XRCC4: variants seen among roughly 807,000 people sequenced by gnomAD.
XRCC4 encodes DNA repair protein XRCC4.
A neutral mutation model predicts 39.1 loss-of-function variants in XRCC4; 28 were observed. The observed-to-expected ratio is 0.72, with a 90% confidence interval of 0.53 to 0.98. XRCC4 has a LOEUF of 0.98. XRCC4 is among the 50% of genes least tolerant of loss of function. XRCC4 has a pLI of 0.00. For missense variants in XRCC4, 350 were observed against 376.4 expected (o/e 0.93, Z 0.58); for synonymous variants, 123 against 126.4 (o/e 0.97, Z 0.18).
intron 3 of XRCC4, among the ~76,000 whole-genome samples, chr5:83,140,536 C>T (rs1293000465): frequency 6.6e-6 from 1 of 152,114 alleles, no homozygotes; most frequent in East Asian, 1.9e-4. Context: ...CCCTTAAAGA[C>T]ACACCGAGAT....
At chr5:83,135,345 C>G (rs942758974) in intron 3 of XRCC4, among the ~76,000 whole-genome samples, 1 of 151,842 alleles carries the variant, frequency 6.6e-6, no homozygotes, top group Non-Finnish European at 1.5e-5. Context: ...ATTCGGCCAT[C>G]TTGGAAACTC....
intron 6 of XRCC4, among the ~76,000 whole-genome samples, chr5:83,255,729 C>T (rs1003819712): frequency 6.6e-6 from 1 of 152,124 alleles, no homozygotes; most frequent in East Asian, 1.9e-4. Flanking sequence ...AAAAAAATTG[C>T]AAGCTCTCGG....
chr5:83,245,264 C>T lies in XRCC4; in HGVS notation c.746-13266C>T, dbSNP rs1232140944. Among the ~76,000 whole-genome samples, 10 of 151,612 alleles carry T rather than the reference C, an allele frequency of 6.6e-5. No homozygotes were observed. In the East Asian group the frequency reaches 1.9e-3, roughly 29 times the overall value. ...AAAAAAAACTATTCAGCGCTTAAAT[C>T]ATTAGAGTACCCTGTTTTCTTTATT... On this transcript the variant is annotated intron_variant, in intron 6 of 7. Coordinates refer to ENST00000396027, the MANE Select transcript of XRCC4 (RefSeq NM_003401.5).
At chr5:83,302,327 A>C (rs919134500) in intron 7 of XRCC4, among the ~76,000 whole-genome samples, 4 of 151,864 alleles carry the variant, frequency 2.6e-5, no homozygotes, top group Non-Finnish European at 5.9e-5. Flanking sequence ...ACCCAGGGCC[A>C]TGGTGGTGTA....
At chr5:83,177,853 A>C (rs551251236) in intron 3 of XRCC4, among the ~76,000 whole-genome samples, 7 of 152,196 alleles carry the variant, frequency 4.6e-5, no homozygotes, top group African/African-American at 1.4e-4. Context: ...TTAAGCCAGG[A>C]TTGACATAAT....
chr5:83,122,099 G>A (rs28745307), intron 3 of XRCC4, among the ~76,000 whole-genome samples: 50,999 of 151,938 alleles, frequency 0.34, 9,380 homozygotes, highest in Non-Finnish European at 0.42. Context: ...ATGAAATCAG[G>A]TGAAATCATG....
chr5:83,190,270 G>C (rs1198030917), intron 3 of XRCC4, among the ~76,000 whole-genome samples: 1 of 151,842 alleles, frequency 6.6e-6, no homozygotes, highest in Non-Finnish European at 1.5e-5. Flanking sequence ...TGTATTACTA[G>C]AATTTTACAA....
chr5:83,159,114 T>C (rs1170349964), intron 3 of XRCC4, among the ~76,000 whole-genome samples: 1 of 152,154 alleles, frequency 6.6e-6, no homozygotes, highest in Non-Finnish European at 1.5e-5. Flanking sequence ...CTGGAAAATA[T>C]AAAAACAATC....
chr5:83,105,254 A>G (rs953634925), intron 2 of XRCC4, among the ~76,000 whole-genome samples, 196 bp downstream of exon 2: 12 of 152,218 alleles, frequency 7.9e-5, no homozygotes, highest in African/African-American at 2.9e-4. Flanking sequence ...AACGTGTCCT[A>G]GAAAATTCCG....
At chr5:83,334,029 A>G (rs1321995856) in intron 7 of XRCC4, among the ~76,000 whole-genome samples, 4 of 152,062 alleles carry the variant, frequency 2.6e-5, no homozygotes, top group Non-Finnish European at 5.9e-5. Flanking sequence ...CAGCCTCCCA[A>G]AGTGCTGGGA....
At chr5:83,154,929 A>T (rs1357354172) in intron 3 of XRCC4, among the ~76,000 whole-genome samples, 4 of 152,036 alleles carry the variant, frequency 2.6e-5, no homozygotes, top group Non-Finnish European at 5.9e-5. Context: ...TTTTATATCC[A>T]ACTACACTGG....
At chr5:83,162,906 A>AT (rs998476005) in intron 3 of XRCC4, among the ~76,000 whole-genome samples, 6 of 123,758 alleles carry the variant, frequency 4.8e-5, no homozygotes, top group African/African-American at 1.2e-4. Flanking sequence ...CATTAGCTTT[A>AT]TTTTTTTTTC....
At chr5:83,360,579 C>T in the XRCC4 span, among the ~76,000 whole-genome samples, 1 of 152,044 alleles carries the variant, frequency 6.6e-6, no homozygotes, top group Admixed American at 6.6e-5. Context: ...AGTTTTGAGC[C>T]TTGAACTAAA....
At chr5:83,192,079 T>A (rs1379443519) in intron 3 of XRCC4, among the ~76,000 whole-genome samples, 1 of 151,836 alleles carries the variant, frequency 6.6e-6, no homozygotes, top group African/African-American at 2.4e-5. Context: ...CGGATTAAAT[T>A]TAAAAAGCTA....
intron 1 of XRCC4, among the ~76,000 whole-genome samples, chr5:83,082,924 A>G (rs1031830506): frequency 5.3e-5 from 8 of 151,802 alleles, no homozygotes; most frequent in African/African-American, 1.9e-4. Context: ...CATACTTACC[A>G]CCCTGTTTCT....
At chr5:83,356,891 A>T (rs1309842334), downstream of XRCC4, among the ~76,000 whole-genome samples, 1 of 152,148 alleles carries the variant, frequency 6.6e-6, no homozygotes. Flanking sequence ...CTTGCATCAG[A>T]TGGTATGGCT....
chr5:83,113,242 T>A (rs1042919482), intron 3 of XRCC4, among the ~76,000 whole-genome samples: 2 of 152,178 alleles, frequency 1.3e-5, no homozygotes, highest in East Asian at 3.9e-4. Flanking sequence ...TCATGAAACC[T>A]TAAAGTTCCA....
chr5:83,261,129 C>T (rs1435475273), intron 7 of XRCC4, among the ~76,000 whole-genome samples: 1 of 151,084 alleles, frequency 6.6e-6, no homozygotes, highest in Non-Finnish European at 1.5e-5. Flanking sequence ...ATTTTAAATA[C>T]TAGTTGTACT....
chr5:83,160,844 A>G (rs1342302809), intron 3 of XRCC4, among the ~76,000 whole-genome samples: 2 of 151,486 alleles, frequency 1.3e-5, no homozygotes, highest in Non-Finnish European at 2.9e-5. Context: ...TTTCACACTT[A>G]AGGAAGAGAC....
Sources: allele counts gnomAD v4.1 joint callset (sites outside exome capture counted in the v4.1 genomes callset), GRCh38; gene constraint gnomAD v4.1.1; transcripts MANE v1.5; gene names NCBI Gene and HGNC (gene_info 2026-07-23, HGNC 2026-07-21).